The following PARM1 variants were observed in gnomAD, a reference collection of about 807,000 sequenced individuals.
The protein encoded by PARM1 is prostate androgen-regulated mucin-like protein 1, also known as WSC4, cell wall integrity and stress response component 4 homolog.
PARM1 carries 14 observed loss-of-function variants against 24.6 expected under a neutral mutation model. The observed-to-expected ratio is 0.57, with a 90% CI of 0.38 to 0.89. The LOEUF is 0.89. Ranked by LOEUF, PARM1 falls within the 40% of genes least tolerant of loss-of-function variation. PARM1 has a pLI of 0.00. For synonymous variants in PARM1, 179 were observed against 156.6 expected (o/e 1.14, Z -1.07); for missense variants, 362 against 380.4 (o/e 0.95, Z 0.40).
At chr4:74,994,474 C>T (rs902883904) in intron 1 of PARM1, among the ~76,000 whole-genome samples, 2 of 152,102 alleles carry the variant, frequency 1.3e-5, no homozygotes, top group Admixed American at 1.3e-4. Context: ...TAAACCTTTG[C>T]TGTCCTTTTT....
intron 1 of PARM1, among the ~76,000 whole-genome samples, chr4:74,975,738 C>T (rs1442611681): frequency 6.6e-6 from 1 of 152,070 alleles, no homozygotes; most frequent in East Asian, 1.9e-4. Context: ...TTGAGTCTTG[C>T]ATTATTATAG....
intron 1 of PARM1, among the ~76,000 whole-genome samples, chr4:74,937,245 C>T (rs1258529300): frequency 6.6e-6 from 1 of 152,172 alleles, no homozygotes; most frequent in Non-Finnish European, 1.5e-5. Context: ...CGTAAAGGAA[C>T]AGGAAGGCTG....
chr4:75,001,782 C>G (rs1362496060), intron 1 of PARM1, among the ~76,000 whole-genome samples: 1 of 152,026 alleles, frequency 6.6e-6, no homozygotes, highest in Non-Finnish European at 1.5e-5. Flanking sequence ...CTCAGAAAGC[C>G]CCTGGTTTCC....
intron 1 of PARM1, among the ~76,000 whole-genome samples, chr4:74,999,634 T>C (rs1039576171): frequency 6.6e-6 from 1 of 152,214 alleles, no homozygotes; most frequent in African/African-American, 2.4e-5. Context: ...AGTTGTTGAA[T>C]TGAACTTAAA....
chr4:74,975,438 G>A (rs1284608103), intron 1 of PARM1, among the ~76,000 whole-genome samples: 2 of 152,198 alleles, frequency 1.3e-5, no homozygotes, highest in Non-Finnish European at 2.9e-5. Context: ...TTTTTGAGTA[G>A]TTGAAAGACA....
At chr4:75,029,088 G>C (rs1324848810) in intron 2 of PARM1, among the ~76,000 whole-genome samples, 2 of 152,154 alleles carry the variant, frequency 1.3e-5, no homozygotes, top group Non-Finnish European at 2.9e-5. Flanking sequence ...GGGCCCATCT[G>C]TGTGGCGTGC....
At chr4:74,943,428 A>G (rs1313628557) in intron 1 of PARM1, among the ~76,000 whole-genome samples, 2 of 152,030 alleles carry the variant, frequency 1.3e-5, no homozygotes, top group African/African-American at 4.8e-5. Context: ...GCCTTAAATG[A>G]CCCAAAAGTG....
intron 2 of PARM1, among the ~76,000 whole-genome samples, chr4:75,024,054 G>A (rs1009927541): frequency 3.9e-5 from 6 of 152,060 alleles, no homozygotes; most frequent in Admixed American, 3.9e-4. Flanking sequence ...GGCAGATCAC[G>A]AGGTCAGGAG....
At chr4:75,039,667 A>G (rs1359524136) in intron 3 of PARM1, among the ~76,000 whole-genome samples, 3 of 152,166 alleles carry the variant, frequency 2.0e-5, no homozygotes, top group Non-Finnish European at 4.4e-5. Context: ...CAAGGATCAC[A>G]CTTTGAGTAG....
chr4:75,007,740 G>C (rs989091365), intron 1 of PARM1, among the ~76,000 whole-genome samples: 1 of 152,200 alleles, frequency 6.6e-6, no homozygotes, highest in Admixed American at 6.5e-5. Context: ...GGGCCTCTAG[G>C]TGGTAATTAA....
chr4:75,046,352 C>A lies in PARM1; in HGVS notation c.*105C>A, dbSNP rs1461471538. On this transcript the variant is annotated 3_prime_UTR_variant, in exon 4 of 4. Transcript: ENST00000307428. ...TGCGCATTGAACGACAATCTTAAGCCCTGTTTTGTTGGTATGGTTGTTTTT... is the reference window on the plus strand; with the variant it reads ...TGCGCATTGAACGACAATCTTAAGCACTGTTTTGTTGGTATGGTTGTTTTT... 4 of 733,030 alleles carry A rather than the reference C, an allele frequency of 5.5e-6. No individual in the cohort carries two copies. The highest frequency in any genetic ancestry group is 3.5e-5 in the African/African-American group (2 of 56,394). The allele number at this position is 733,030 out of a possible 1,614,324, so 45.4% of individuals were successfully genotyped here.
intron 1 of PARM1, among the ~76,000 whole-genome samples, chr4:74,993,077 A>G (rs1337695880): frequency 6.6e-6 from 1 of 152,192 alleles, no homozygotes; most frequent in Non-Finnish European, 1.5e-5. Context: ...TTTCTTATGA[A>G]TAGAATATGC....
intron 1 of PARM1, among the ~76,000 whole-genome samples, chr4:75,012,039 G>C (rs11945130): frequency 0.015 from 2,356 of 152,186 alleles, 49 homozygotes; most frequent in African/African-American, 0.053. Flanking sequence ...CACTCCCATC[G>C]TTCCTACAGG....
chr4:74,999,651 A>C (rs567854742), intron 1 of PARM1, among the ~76,000 whole-genome samples: 1 of 152,366 alleles, frequency 6.6e-6, no homozygotes, highest in East Asian at 1.9e-4. Context: ...TAAACAAATA[A>C]AAATCTAAAA....
intron 1 of PARM1, among the ~76,000 whole-genome samples, chr4:75,004,690 A>G (rs1198126382): frequency 6.6e-6 from 1 of 152,188 alleles, no homozygotes; most frequent in Admixed American, 6.5e-5. Flanking sequence ...GAATCCTGTG[A>G]TCAGATTAAA....
intron 1 of PARM1, among the ~76,000 whole-genome samples, chr4:74,940,175 A>T (rs138084223): frequency 6.6e-6 from 1 of 152,276 alleles, no homozygotes; most frequent in Non-Finnish European, 1.5e-5. Context: ...TTATGTTGTG[A>T]TATTTTTACC....
At chr4:74,961,909 G>T (rs765478326) in intron 1 of PARM1, among the ~76,000 whole-genome samples, 1 of 152,086 alleles carries the variant, frequency 6.6e-6, no homozygotes, top group Non-Finnish European at 1.5e-5. Context: ...GTAAATACAT[G>T]AACAGTTATA....
intron 1 of PARM1, among the ~76,000 whole-genome samples, chr4:74,940,868 C>T (rs574987719): frequency 3.9e-5 from 6 of 152,190 alleles, no homozygotes; most frequent in East Asian, 1.9e-4. Context: ...GTATTTAGGG[C>T]GATGTTTAAG....
intron 3 of PARM1, among the ~76,000 whole-genome samples, chr4:75,044,331 T>C (rs560175489): frequency 6.6e-6 from 1 of 152,342 alleles, no homozygotes; most frequent in South Asian, 2.1e-4. Flanking sequence ...TTTGTGATGC[T>C]CTTCTAATCC....
Sources: gnomAD v4.1 joint callset for allele counts (sites outside exome capture counted in the v4.1 genomes callset) on GRCh38, gnomAD v4.1.1 for gene constraint, MANE v1.5 for transcripts, NCBI Gene and HGNC (gene_info 2026-07-23, HGNC 2026-07-21) for gene names.